The following PKN2 variants were observed in gnomAD, a reference collection of about 807,000 sequenced individuals.
The protein encoded by PKN2 is protein kinase N2, also known as serine/threonine-protein kinase N2.
In PKN2, 38 loss-of-function variants were observed where a neutral mutation model predicts 119.1. That is an observed-to-expected ratio of 0.32 (90% CI 0.25 to 0.42). The LOEUF (loss-of-function observed/expected upper bound fraction) is 0.42. Among genes scored for constraint, PKN2 ranks in the 10% least tolerant of loss-of-function variants. The pLI is 1.00. For missense variants in PKN2, 850 were observed against 1,165.1 expected, an observed-to-expected ratio of 0.73 and a Z score of 3.94; for synonymous variants, 390 against 384.9, an observed-to-expected ratio of 1.01 and a Z score of -0.15.
intron 1 of PKN2, among the ~76,000 whole-genome samples, chr1:88,691,537 G>A (rs1295907822): frequency 1.3e-5 from 2 of 152,090 alleles, no homozygotes; most frequent in African/African-American, 4.8e-5. Flanking sequence ...CACTGCATTG[G>A]ATTAATCACC....
At chr1:88,762,975 T>C (rs1411939073) in intron 3 of PKN2, among the ~76,000 whole-genome samples, 2 of 152,186 alleles carry the variant, frequency 1.3e-5, no homozygotes, top group African/African-American at 2.4e-5. Context: ...TGAGGGTAGG[T>C]AGAATGTACT....
chr1:88,800,578 C>G (rs1048357640), intron 8 of PKN2, among the ~76,000 whole-genome samples: 1 of 152,230 alleles, frequency 6.6e-6, no homozygotes, highest in African/African-American at 2.4e-5. Context: ...GCTAGTAGTT[C>G]TCACAGTGTC....
chr1:88,828,354 T>C (rs1312577278), intron 18 of PKN2, 127 bp from the exon 19 acceptor site: 3 of 682,044 alleles, frequency 4.4e-6, no homozygotes, highest in African/African-American at 1.8e-5. Context: ...GTCTTAGATA[T>C]GTCTGAATTT....
rs1194244414 is a variant in PKN2 at position 88,835,233 on chromosome 1, AT to A, written c.*1789del. On this transcript the variant is annotated 3_prime_UTR_variant, in exon 22 of 22. Transcript: ENST00000370521. Reference sequence around the variant, plus strand: ...GGGGAACAATATGTGGTTTAAAGTTATTTTAAAATGCCAGTTAATTTCCTCG... The same window carrying A: ...GGGGAACAATATGTGGTTTAAAGTTATTTAAAATGCCAGTTAATTTCCTCG... 2 of 152,358 alleles carry A rather than the reference AT, an allele frequency of 1.3e-5. No homozygotes were observed. The highest frequency in any genetic ancestry group is 2.1e-4 in the South Asian group (1 of 4,826). The allele number at this position is 152,358 out of a possible 1,614,324, so 9.4% of individuals were successfully genotyped here.
intron 17 of PKN2, among the ~76,000 whole-genome samples, chr1:88,823,703 TAAAAAAAAAAAAA>T (rs61234342): frequency 2.0e-4 from 13 of 65,746 alleles, no homozygotes; most frequent in African/African-American, 5.6e-4. Flanking sequence ...GACTCTGTCT[TAAAAAAAAAAAAA>T]AAAAAAAAAA....
At chr1:88,773,182 T>A (rs1054367017) in intron 6 of PKN2, among the ~76,000 whole-genome samples, 1 of 152,144 alleles carries the variant, frequency 6.6e-6, no homozygotes, top group Non-Finnish European at 1.5e-5. Context: ...TCTTTTAGAT[T>A]ATATATTATT....
chr1:88,792,974 A>G (rs1670907306), intron 8 of PKN2, among the ~76,000 whole-genome samples: 1 of 152,216 alleles, frequency 6.6e-6, no homozygotes, highest in Admixed American at 6.5e-5. Flanking sequence ...TTACTGCCAT[A>G]TGCAATTTAC....
intron 1 of PKN2, among the ~76,000 whole-genome samples, chr1:88,723,578 C>T (rs1379789089): frequency 6.6e-6 from 1 of 152,134 alleles, no homozygotes; most frequent in African/African-American, 2.4e-5. Context: ...TGTGCCACCA[C>T]ACCCAGCTAA....
rs996879475 is a variant in PKN2, at chr1:88,835,518, CAATT to C, written c.*2073_*2076del. ...AATTAGAAGGCAGGGTCTATTTACA[CAATT>C]AAGCTGAAGAAAGCACTAATTTTTT... On this transcript the variant is annotated 3_prime_UTR_variant, in exon 22 of 22. Coordinates refer to ENST00000370521, the MANE Select transcript of PKN2 (RefSeq NM_006256.4). 40 of 152,352 alleles carry C rather than the reference CAATT, an allele frequency of 2.6e-4. No homozygotes were observed. The highest frequency in any genetic ancestry group is 7.7e-4 in the East Asian group (4 of 5,178). 9.4% of individuals were successfully genotyped at this position (152,352 alleles called of 1,614,324 possible). A position where few individuals can be genotyped will look rare whatever the true frequency, so the allele number is the denominator to read the frequency against.
chr1:88,808,793 T>G (rs1264388924), intron 15 of PKN2, among the ~76,000 whole-genome samples: 1 of 152,172 alleles, frequency 6.6e-6, no homozygotes, highest in African/African-American at 2.4e-5. Context: ...GAGGCATATG[T>G]TAATATTAAT....
rs575119383 is a variant in PKN2, at chr1:88,714,288, C to T, written c.49-26700C>T. Reference sequence around the variant, plus strand: ...GGGCTCTTTTTTGGTTCCGTATGAACTTTAAAGTAGTTTTTTCCAATTCTG... The same window carrying T: ...GGGCTCTTTTTTGGTTCCGTATGAATTTTAAAGTAGTTTTTTCCAATTCTG... On this transcript the variant is annotated intron_variant, in intron 1 of 21. Coordinates refer to ENST00000370521, the MANE Select transcript of PKN2 (RefSeq NM_006256.4). Among the ~76,000 whole-genome samples, 12 of 152,198 alleles carry T rather than the reference C, an allele frequency of 7.9e-5. No homozygotes were observed. The East Asian group carries it at 2.3e-3, about 29-fold the overall frequency.
At chr1:88,792,528 A>G (rs1051023481) in intron 8 of PKN2, among the ~76,000 whole-genome samples, 1 of 152,202 alleles carries the variant, frequency 6.6e-6, no homozygotes, top group African/African-American at 2.4e-5. Context: ...GCACAAGCCT[A>G]CATTTCCAAC....
rs1667580678 is a variant in PKN2, at chr1:88,719,426, T to C, written c.49-21562T>C. Among the ~76,000 whole-genome samples the C allele has an allele frequency of 2.0e-5, 3 of 152,214 alleles. No homozygotes were observed. The South Asian group carries it at 6.2e-4, about 31-fold the overall frequency. On this transcript the variant is annotated intron_variant, in intron 1 of 21. Coordinates refer to ENST00000370521, the MANE Select transcript of PKN2 (RefSeq NM_006256.4). ...AAACATTTAATGAGAAGCCCAAATCTGATTCCCTCCCTTGTTCTGTCTCTT... is the reference window on the plus strand; with the variant it reads ...AAACATTTAATGAGAAGCCCAAATCCGATTCCCTCCCTTGTTCTGTCTCTT...
intron 1 of PKN2, among the ~76,000 whole-genome samples, chr1:88,723,414 C>T (rs1046030535): frequency 1.4e-5 from 2 of 147,260 alleles, no homozygotes; most frequent in African/African-American, 5.0e-5. Flanking sequence ...TGCCCTGCCC[C>T]CCCCCCTTTT....
At chr1:88,826,684 T>C (rs1377920838) in intron 18 of PKN2, among the ~76,000 whole-genome samples, 1 of 152,130 alleles carries the variant, frequency 6.6e-6, no homozygotes, top group Non-Finnish European at 1.5e-5. Flanking sequence ...GAATTTGATG[T>C]TAGACAACTT....
At chr1:88,794,130 G>C (rs1670960802) in intron 8 of PKN2, among the ~76,000 whole-genome samples, 2 of 152,172 alleles carry the variant, frequency 1.3e-5, no homozygotes, top group Non-Finnish European at 2.9e-5. Context: ...CACTTTGGGA[G>C]GCTGAGGCAG....
intron 2 of PKN2, among the ~76,000 whole-genome samples, chr1:88,756,679 C>A (rs1669217503): frequency 6.6e-6 from 1 of 151,986 alleles, no homozygotes; most frequent in South Asian, 2.1e-4. Flanking sequence ...TATCATTTAT[C>A]CAAAAAGAGA....
rs6671949 is a variant in PKN2 at position 88,807,604 on chromosome 1, G to A, written c.2010G>A (p.Lys670=). The A allele has an allele frequency of 0.027, 43,644 of 1,606,580 alleles. 1,645 individuals carry two copies. Among genetic ancestry groups the A allele is most frequent in the African/African-American group, 0.18 (13,481 of 74,576 alleles). Residue 670 remains lysine (K), a splice_region_variant and synonymous_variant, in exon 14 of 22, where the codon AAG becomes AAA. Coordinates refer to ENST00000370521, the MANE Select transcript of PKN2 (RefSeq NM_006256.4). ...CAVLGRGHFG[K]VLLAEYKNTN... ...TCTTGGGAAGAGGACATTTTGGAAA[G>A]GTAATCTTTTTGGAATTTTTTGGAA...
At chr1:88,689,586 G>A (rs1666248608) in intron 1 of PKN2, among the ~76,000 whole-genome samples, 1 of 152,110 alleles carries the variant, frequency 6.6e-6, no homozygotes, top group Non-Finnish European at 1.5e-5. Context: ...TGAGACAGGC[G>A]GATCACCTGA....
Sources: allele counts gnomAD v4.1 joint callset (sites outside exome capture counted in the v4.1 genomes callset), GRCh38; gene constraint gnomAD v4.1.1; transcripts MANE v1.5; gene names NCBI Gene and HGNC (gene_info 2026-07-23, HGNC 2026-07-21).